EPHA2: variants seen among roughly 807,000 people sequenced by gnomAD.
The protein encoded by EPHA2 is ephrin type-A receptor 2.
EPHA2 carries 54 observed loss-of-function variants against 104.9 expected under a neutral mutation model. That is an observed-to-expected ratio of 0.51 (90% CI 0.41 to 0.65). The LOEUF (loss-of-function observed/expected upper bound fraction) is 0.65, where lower values mean the gene tolerates loss of function less well. EPHA2 is among the 30% of genes least tolerant of loss of function. The pLI is 0.00. For synonymous variants in EPHA2, 560 were observed against 559.1 expected (o/e 1.00, Z -0.02); for missense variants, 1,117 against 1,369.5 (o/e 0.82, Z 2.91).
At chr1:16,129,362 G>T (rs116602887) in intron 16 of EPHA2, 72 bp downstream of exon 16, 8 of 1,489,668 alleles carry the variant, frequency 5.4e-6, no homozygotes, top group African/African-American at 1.4e-5. Context: ...GAAGAGGGCT[G>T]GGGGGGGCAT....
chr1:16,148,148 T>C lies in EPHA2; in HGVS notation c.823+230A>G, dbSNP rs1479661870. 2.0e-5 allele frequency among the ~76,000 whole-genome samples: 3 copies of C among 152,146 alleles called. No individual in the cohort carries two copies. The highest frequency in any genetic ancestry group is 4.4e-5 in the Non-Finnish European group (3 of 68,020). ...ACCTCAGCCTCCCAAAGTGCTGGGA[T>C]TACAGGCATGAGCCACCGTGCCCAG... On this transcript the variant is annotated intron_variant, in intron 3 of 16. Coordinates refer to ENST00000358432, the MANE Select transcript of EPHA2 (RefSeq NM_004431.5). This position sits in a 1 kb window ranked among gnomAD's most constrained non-coding sequence, Gnocchi z 4.9.
At chr1:16,145,362 G>C (rs1476516663) in intron 3 of EPHA2, among the ~76,000 whole-genome samples, 1 of 152,212 alleles carries the variant, frequency 6.6e-6, no homozygotes, top group Non-Finnish European at 1.5e-5. Flanking sequence ...CCCACCTGCC[G>C]CACACAGCAC....
chr1:16,132,584 T>A, intron 11 of EPHA2, 145 bp from the exon 12 acceptor site: 5 of 771,474 alleles, frequency 6.5e-6, no homozygotes, highest in Non-Finnish European at 1.1e-5. Flanking sequence ...GGAGGGTGGG[T>A]ACAGGTATGG....
At chr1:16,136,664 A>G (rs868099222) in intron 5 of EPHA2, among the ~76,000 whole-genome samples, 1,220 of 116,374 alleles carry the variant, frequency 0.01, 55 homozygotes, top group African/African-American at 0.039. Flanking sequence ...AGAAGAAGAA[A>G]AGAAGAAAAG....
rs768820504 is a variant in EPHA2, at chr1:16,130,129, C to A, written c.2669+97G>T. 37 of 1,537,188 alleles carry A rather than the reference C, an allele frequency of 2.4e-5. No individual in the cohort carries two copies. The East Asian group carries it at 4.1e-4, about 17-fold the overall frequency. On this transcript the variant is annotated intron_variant, in intron 15 of 16. Transcript: ENST00000358432. This position sits in a 1 kb window ranked among gnomAD's most constrained non-coding sequence, Gnocchi z 4.5. The stretch of plus-strand genomic sequence containing the variant: ...TAACCTCTTAGCCCCCAGCACCCCC[C>A]CTACCAGCTTCACCTGGGTGGCCAC...
rs2124182601 is a variant in EPHA2 at position 16,125,266 on chromosome 1, G to A, written c.2880C>T (p.Tyr960=). ...RLPGHQKRIA[Y]SLLGLKDQVN... ...CCTGGTCCTTGAGTCCCAGCAGGCT[G>A]TAGGCGATGCGCTTCTGGTGGCCGG... Residue 960 remains tyrosine (Y), a synonymous_variant, in exon 17 of 17, where the codon TAC becomes TAT. Transcript: ENST00000358432. The surrounding 1 kb of genome is among the most constrained non-coding windows in gnomAD (Gnocchi z 4.9). 2 of 1,613,774 alleles carry A rather than the reference G, an allele frequency of 1.2e-6. No homozygotes were observed. Among genetic ancestry groups the A allele is most frequent in the Non-Finnish European group, 1.7e-6 (2 of 1,179,862 alleles).
chr1:16,134,628 G>A lies in EPHA2; in HGVS notation c.1583-61C>T, dbSNP rs567411217. 114 of 1,551,426 alleles carry A rather than the reference G, an allele frequency of 7.3e-5. No homozygotes were observed. The African/African-American group carries it at 1.3e-3, about 18-fold the overall frequency. On this transcript the variant is annotated intron_variant, in intron 7 of 16. Coordinates refer to ENST00000358432, the MANE Select transcript of EPHA2 (RefSeq NM_004431.5). This position sits in a 1 kb window ranked among gnomAD's most constrained non-coding sequence, Gnocchi z 4.5. ...CCCCACAAATTACAGCAACACCCGC[G>A]CTGCACCCAAGACACCTGGGCCCCT...
chr1:16,140,713 G>T (rs1406421784), intron 3 of EPHA2, among the ~76,000 whole-genome samples: 1 of 152,114 alleles, frequency 6.6e-6, no homozygotes, highest in African/African-American at 2.4e-5. Context: ...CCGCCTCCTG[G>T]GTTCAAGCAA....
At position 16,138,152 on chromosome 1, in the gene EPHA2, A is replaced by C. The variant is rs1346253894; in HGVS notation, c.1013T>G (p.Val338Gly). 2 of 1,609,028 alleles carry C rather than the reference A, an allele frequency of 1.2e-6. No homozygotes were observed. Among genetic ancestry groups the C allele is most frequent in the South Asian group, 1.1e-5 (1 of 91,068 alleles). The change falls in exon 5 of 17, where the codon GTG (valine) becomes GGG (glycine). Residue 338 changes from valine (V) to glycine (G), a missense_variant. Around this residue, in one of 3 missense-constraint regions of EPHA2, gnomAD observed 664 missense variants for 784.8 expected, o/e 0.85. Coordinates refer to ENST00000358432, the MANE Select transcript of EPHA2 (RefSeq NM_004431.5). Reference protein sequence around the residue: ...PPSAPHYLTAVGMGAKVELRW... With the variant: ...PPSAPHYLTAGGMGAKVELRW... ...CAGCTCCACCTTGGCACCCATGCCC[A>C]CGGCTGTGAGGTAGTGTGGGGCGGA...
intron 3 of EPHA2, among the ~76,000 whole-genome samples, chr1:16,147,520 A>G (rs1383637349): frequency 1.3e-5 from 2 of 152,046 alleles, no homozygotes; most frequent in African/African-American, 2.4e-5. Context: ...GATAACAGAC[A>G]TGGAACTTGC....
At position 16,134,041 on chromosome 1, in the gene EPHA2, G is replaced by T; in HGVS notation, c.1683-126C>A. 1.1e-6 allele frequency: 1 copy of T among 936,866 alleles called. No homozygotes were observed. Among genetic ancestry groups the T allele is most frequent in the Non-Finnish European group, 1.6e-6 (1 of 634,896 alleles). The allele number at this position is 936,866 out of a possible 1,614,324, so 58.0% of individuals were successfully genotyped here. On this transcript the variant is annotated intron_variant, in intron 8 of 16. Coordinates refer to ENST00000358432, the MANE Select transcript of EPHA2 (RefSeq NM_004431.5). This position sits in a 1 kb window ranked among gnomAD's most constrained non-coding sequence, Gnocchi z 4.5. ...GTGCTCAGAATGCGGCCCAGTCCCC[G>T]CTTTTGCTGCCCAAGCTCCACTCTC...
In EPHA2 at chr1:16,149,030, G is replaced by A. The variant is rs2024989043; in HGVS notation, c.171C>T (p.Asn57=). Residue 57 remains asparagine, a synonymous_variant, in exon 3 of 17, where the codon AAC becomes AAT. Coordinates refer to ENST00000358432, the MANE Select transcript of EPHA2 (RefSeq NM_004431.5). ...TGTAGATCGGCATGTCATTCATGATGTTCTGCATCAGGTCCCACTGTGGGG... is the reference window on the plus strand; with the variant it reads ...TGTAGATCGGCATGTCATTCATGATATTCTGCATCAGGTCCCACTGTGGGG... ...PYGKGWDLMQ[N]IMNDMPIYMY... is the part of the protein sequence containing the mutation. 1.2e-6 allele frequency: 2 copies of A among 1,613,434 alleles called. No individual in the cohort carries two copies. Among genetic ancestry groups the A allele is most frequent in the South Asian group, 2.2e-5 (2 of 91,088 alleles).
Position 16,130,212 on chromosome 1 carries a change from G to A in EPHA2, c.2669+14C>T, listed in dbSNP as rs753740055. 25 of 1,614,116 alleles carry A rather than the reference G, an allele frequency of 1.5e-5. No homozygotes were observed. The highest frequency in any genetic ancestry group is 2.0e-5 in the Non-Finnish European group (24 of 1,179,992). On this transcript the variant is annotated intron_variant, in intron 15 of 16. Coordinates refer to ENST00000358432, the MANE Select transcript of EPHA2 (RefSeq NM_004431.5). The surrounding 1 kb of genome is among the most constrained non-coding windows in gnomAD (Gnocchi z 4.5). ...AAAATTGAGGTCATCATGGGCAGAGGGCATAGAACTCACCGGGGGTCAAAG... is the reference window on the plus strand; with the variant it reads ...AAAATTGAGGTCATCATGGGCAGAGAGCATAGAACTCACCGGGGGTCAAAG...
rs2024552027 is a variant in EPHA2 at position 16,130,439 on chromosome 1, A to G, written c.2476-20T>C. ...CATCACCTGGCGGGGCACGAAGGTC[A>G]GGGGCGCTGTTGCAGAAAGCCACTG... On this transcript the variant is annotated intron_variant, in intron 14 of 16. Transcript: ENST00000358432. The surrounding 1 kb of genome is among the most constrained non-coding windows in gnomAD (Gnocchi z 4.5). The G allele has an allele frequency of 4.6e-6, 7 of 1,533,674 alleles. No individual in the cohort carries two copies. Among genetic ancestry groups the G allele is most frequent in the Non-Finnish European group, 6.2e-6 (7 of 1,138,032 alleles).
At position 16,135,527 on chromosome 1, in the gene EPHA2, G is replaced by C. The variant is rs1183240319; in HGVS notation, c.1428+128C>G. On this transcript the variant is annotated intron_variant, in intron 6 of 16. Transcript: ENST00000358432. This position sits in a 1 kb window ranked among gnomAD's most constrained non-coding sequence, Gnocchi z 4.3. ...GATGTAACCCCCTGGCAGACCCCAG[G>C]CCTCAGTTTCCCCATCTGCAGAAGG... 7 of 910,870 alleles carry C rather than the reference G, an allele frequency of 7.7e-6. No homozygotes were observed. The highest frequency in any genetic ancestry group is 1.3e-5 in the Non-Finnish European group (7 of 556,572). The allele number at this position is 910,870 out of a possible 1,614,324, so 56.4% of individuals were successfully genotyped here.
Position 16,135,588 on chromosome 1 carries a change from T to C in EPHA2, c.1428+67A>G, listed in dbSNP as rs1240784163. The C allele has an allele frequency of 6.9e-6, 10 of 1,455,060 alleles. No individual in the cohort carries two copies. In the South Asian group the frequency reaches 1.1e-4, roughly 17 times the overall value. The allele number at this position is 1,455,060 out of a possible 1,614,324, so 90.1% of individuals were successfully genotyped here. A position where few individuals can be genotyped will look rare whatever the true frequency, so the allele number is the denominator to read the frequency against. ...AGATGGCTGGGTGGTTTGGTGATCATCTATGTGACCAGCCTGTCCCCTGCT... is the reference window on the plus strand; with the variant it reads ...AGATGGCTGGGTGGTTTGGTGATCACCTATGTGACCAGCCTGTCCCCTGCT... On this transcript the variant is annotated intron_variant, in intron 6 of 16. Transcript: ENST00000358432. The surrounding 1 kb of genome is among the most constrained non-coding windows in gnomAD (Gnocchi z 4.3).
Position 16,148,771 on chromosome 1 carries a change from T to C in EPHA2, c.430A>G (p.Thr144Ala). ...ACGGTGATCTCATCGGGCGCAATGG[T>C]GTCAATCTTGGTGAACAGGCGCTTC... Reference protein sequence around the residue: ...FQKRLFTKIDTIAPDEITVSS... With the variant: ...FQKRLFTKIDAIAPDEITVSS... Residue 144 changes from threonine (T) to alanine (A), a missense_variant, in exon 3 of 17, where the codon ACC (threonine) becomes GCC (alanine). By Grantham distance (58) the Thr-to-Ala change is moderately conservative. This residue lies in a region of EPHA2 where 664 missense variants were observed against 784.8 expected (regional missense o/e 0.85). Coordinates refer to ENST00000358432, the MANE Select transcript of EPHA2 (RefSeq NM_004431.5). The surrounding 1 kb of genome is among the most constrained non-coding windows in gnomAD (Gnocchi z 4.9). The C allele has an allele frequency of 1.2e-6, 2 of 1,614,090 alleles. No individual in the cohort carries two copies. Among genetic ancestry groups the C allele is most frequent in the South Asian group, 1.1e-5 (1 of 91,092 alleles).
intron 3 of EPHA2, among the ~76,000 whole-genome samples, chr1:16,138,895 T>C (rs972806475): frequency 6.6e-6 from 1 of 152,176 alleles, no homozygotes; most frequent in Admixed American, 6.5e-5. Context: ...ACCATGTGTG[T>C]TTGTTGACTG....
intron 5 of EPHA2, among the ~76,000 whole-genome samples, chr1:16,136,710 AGAAAAGAAGAAGAAGAAG>A (rs1340884855): frequency 1.1e-5 from 1 of 91,486 alleles, no homozygotes; most frequent in Non-Finnish European, 1.8e-5. Context: ...AAGAAGAAGA[AGAAAAGAAGAAGAAGAAG>A]AAGAAGAAGA....
Sources: allele counts gnomAD v4.1 joint callset (sites outside exome capture counted in the v4.1 genomes callset), GRCh38; gene constraint gnomAD v4.1.1; regional missense constraint gnomAD v4.1.1; non-coding constraint Gnocchi (gnomAD v3.1); transcripts MANE v1.5; gene names NCBI Gene and HGNC (gene_info 2026-07-23, HGNC 2026-07-21).